Variants in PRKG1 observed in about 807,000 individuals in gnomAD.
PRKG1 encodes the protein protein kinase cGMP-dependent 1.
PRKG1 carries 35 observed loss-of-function variants against 88.1 expected under a neutral mutation model. The observed-to-expected ratio is 0.40, with a 90% confidence interval of 0.30 to 0.53. PRKG1 has a LOEUF of 0.53. Ranked by LOEUF, PRKG1 falls within the 20% of genes least tolerant of loss-of-function variation. The pLI, the probability that PRKG1 is intolerant of heterozygous loss-of-function variation, is 0.59. For synonymous variants in PRKG1, 303 were observed against 292.5 expected (o/e 1.04, Z -0.37); for missense variants, 540 against 839.8 (o/e 0.64, Z 4.41).
At chr10:51,594,035 T>G (rs1249357929) in intron 3 of PRKG1, among the ~76,000 whole-genome samples, 1 of 152,060 alleles carries the variant, frequency 6.6e-6, no homozygotes, top group Non-Finnish European at 1.5e-5. Context: ...CCCCCCATTT[T>G]TTTTTAAGAA....
chr10:51,634,118 T>G (rs1839596107), intron 3 of PRKG1, among the ~76,000 whole-genome samples: 2 of 152,100 alleles, frequency 1.3e-5, no homozygotes, highest in Non-Finnish European at 2.9e-5. Flanking sequence ...GAATGAAATG[T>G]GTGTTTCAAT....
intron 2 of PRKG1, among the ~76,000 whole-genome samples, chr10:51,253,452 C>A (rs554506501): frequency 4.5e-4 from 69 of 151,976 alleles, no homozygotes; most frequent in African/African-American, 1.6e-3. Flanking sequence ...ATCTTTCCCC[C>A]CAATAGACAT....
intron 3 of PRKG1, chr10:51,697,296 T>G (rs2132404680): frequency 6.1e-6 from 1 of 163,724 alleles, no homozygotes; most frequent in Admixed American, 6.2e-5. Context: ...CAACCAAAAA[T>G]CTTAAAACTA....
At chr10:51,287,747 C>T (rs891710755) in intron 2 of PRKG1, among the ~76,000 whole-genome samples, 18 of 152,048 alleles carry the variant, frequency 1.2e-4, no homozygotes, top group Non-Finnish European at 2.4e-4. Flanking sequence ...GGCTGAGATA[C>T]ATATATATCT....
chr10:51,108,655 C>T (rs1416104573), intron 1 of PRKG1, among the ~76,000 whole-genome samples: 1 of 152,130 alleles, frequency 6.6e-6, no homozygotes, highest in African/African-American at 2.4e-5. Flanking sequence ...ACAAAACCCC[C>T]ACAGCTAACA....
intron 4 of PRKG1, among the ~76,000 whole-genome samples, chr10:51,821,550 A>G (rs1362076133): frequency 1.3e-5 from 2 of 152,258 alleles, no homozygotes; most frequent in East Asian, 3.9e-4. Context: ...ATTTTAATCA[A>G]ATAAAATACC....
At chr10:51,609,557 T>C (rs918373391) in intron 3 of PRKG1, among the ~76,000 whole-genome samples, 1 of 152,200 alleles carries the variant, frequency 6.6e-6, no homozygotes, top group Non-Finnish European at 1.5e-5. Flanking sequence ...ATTGCAGCAC[T>C]ATTCACAATA....
chr10:51,360,418 T>C (rs913653489), intron 2 of PRKG1, among the ~76,000 whole-genome samples: 1 of 151,898 alleles, frequency 6.6e-6, no homozygotes, highest in African/African-American at 2.4e-5. Context: ...TCAACTGATA[T>C]AAGGGGAATG....
intron 4 of PRKG1, among the ~76,000 whole-genome samples, chr10:51,899,770 C>T (rs1214950747): frequency 4.0e-5 from 6 of 150,250 alleles, no homozygotes; most frequent in Non-Finnish European, 7.4e-5. Context: ...GGATGTGTGG[C>T]CCCCTCCCAA....
rs1202384137 is a variant in PRKG1, at chr10:51,645,917, A to C, written c.593-158668A>C. Among the ~76,000 whole-genome samples, 2 of 152,180 alleles carry C rather than the reference A, an allele frequency of 1.3e-5. 1 individual carries two copies. Among genetic ancestry groups the C allele is most frequent in the East Asian group, 3.8e-4 (2 of 5,206 alleles). ...GCAAGTTATTCAGTTTATTTAGAAAAATTAAAAAAATTAATCAGTTTTTCA... is the reference window on the plus strand; with the variant it reads ...GCAAGTTATTCAGTTTATTTAGAAACATTAAAAAAATTAATCAGTTTTTCA... On this transcript the variant is annotated intron_variant, in intron 3 of 17. Coordinates refer to ENST00000373980, the MANE Select transcript of PRKG1 (RefSeq NM_006258.4).
chr10:52,027,164 C>G (rs983706079), intron 5 of PRKG1, among the ~76,000 whole-genome samples: 2 of 152,126 alleles, frequency 1.3e-5, no homozygotes, highest in African/African-American at 4.8e-5. Context: ...CATTGGCTGG[C>G]TCTGTGCCTC....
At chr10:51,216,691 G>C (rs1266780171) in intron 2 of PRKG1, among the ~76,000 whole-genome samples, 1 of 152,242 alleles carries the variant, frequency 6.6e-6, no homozygotes, top group East Asian at 1.9e-4. Context: ...GAATTCCACA[G>C]AGGTCTTCAT....
At chr10:51,352,018 T>C (rs1344179397) in intron 2 of PRKG1, among the ~76,000 whole-genome samples, 1 of 152,160 alleles carries the variant, frequency 6.6e-6, no homozygotes, top group Admixed American at 6.5e-5. Flanking sequence ...CCCCATTGCT[T>C]GTTTGTGTCA....
At chr10:51,498,206 T>C (rs756032341) in intron 3 of PRKG1, among the ~76,000 whole-genome samples, 1 of 152,218 alleles carries the variant, frequency 6.6e-6, no homozygotes, top group Admixed American at 6.5e-5. Context: ...AACTTCCTAA[T>C]TTAATAAGCT....
chr10:51,989,643 T>C (rs1434808958), intron 5 of PRKG1, among the ~76,000 whole-genome samples: 2 of 151,682 alleles, frequency 1.3e-5, no homozygotes, highest in Non-Finnish European at 2.9e-5. Flanking sequence ...CTAGGACCCA[T>C]GAAGGCACTT....
intron 2 of PRKG1, among the ~76,000 whole-genome samples, chr10:51,432,054 A>G (rs992506319): frequency 1.3e-5 from 2 of 152,186 alleles, no homozygotes; most frequent in African/African-American, 4.8e-5. Flanking sequence ...GCCTTGACAC[A>G]TGTACCAAAA....
At chr10:51,956,057 A>G (rs922325196) in intron 5 of PRKG1, among the ~76,000 whole-genome samples, 1 of 152,144 alleles carries the variant, frequency 6.6e-6, no homozygotes, top group Non-Finnish European at 1.5e-5. Context: ...ACTGATCTCT[A>G]ATTAGAAACA....
At chr10:51,406,629 T>G (rs1178154500) in intron 2 of PRKG1, among the ~76,000 whole-genome samples, 4 of 152,126 alleles carry the variant, frequency 2.6e-5, no homozygotes, top group Admixed American at 1.3e-4. Context: ...TTGTTTTTTT[T>G]TTTTTTTTTA....
At chr10:51,731,222 A>G (rs1842265354) in intron 3 of PRKG1, among the ~76,000 whole-genome samples, 1 of 152,210 alleles carries the variant, frequency 6.6e-6, no homozygotes, top group South Asian at 2.1e-4. Context: ...ACTAATATCA[A>G]TTCAGTTAAC....
Sources: allele counts gnomAD v4.1 joint callset (sites outside exome capture counted in the v4.1 genomes callset), GRCh38; gene constraint gnomAD v4.1.1; transcripts MANE v1.5; gene names NCBI Gene and HGNC (gene_info 2026-07-23, HGNC 2026-07-21).